Variants in LRP1B observed in about 807,000 individuals in gnomAD.
LRP1B encodes the protein LDL receptor related protein 1B, also known as low-density lipoprotein receptor-related protein 1B.
LRP1B carries 217 observed loss-of-function variants against 556.6 expected under a neutral mutation model. The ratio of observed to expected loss-of-function variants is 0.39; its 90% CI spans 0.35 to 0.44. The LOEUF (loss-of-function observed/expected upper bound fraction) is 0.44. LRP1B is among the 20% of genes least tolerant of loss of function. The pLI, the probability that LRP1B is intolerant of heterozygous loss-of-function variation, is 1.00. For missense variants in LRP1B, 5,053 were observed against 5,620.8 expected (o/e 0.90, Z 3.23); for synonymous variants, 2,047 against 1,865.8 (o/e 1.10, Z -2.50).
chr2:141,953,752 C>T (rs1018195692), intron 1 of LRP1B, among the ~76,000 whole-genome samples: 5 of 152,206 alleles, frequency 3.3e-5, no homozygotes, highest in South Asian at 2.1e-4. Context: ...CAGTAACATA[C>T]TAGCTTACTC....
chr2:142,034,497 T>G lies in LRP1B; in HGVS notation c.82+96151A>C, dbSNP rs750013517. On this transcript the variant is annotated intron_variant, in intron 1 of 90. Coordinates refer to ENST00000389484, the MANE Select transcript of LRP1B (RefSeq NM_018557.3). ...AACTGATAACATCCATGTTCAGTGG[T>G]ACCTCTGTAAAGAGCTTTGGGACCC... 1.4e-4 allele frequency among the ~76,000 whole-genome samples: 21 copies of G among 151,724 alleles called. 1 individual carries two copies. The highest frequency in any genetic ancestry group is 6.6e-5 in the Admixed American group (1 of 15,184).
chr2:141,818,531 CTTTT>C lies in LRP1B; in HGVS notation c.83-8134_83-8131del, dbSNP rs70994453. 1.1e-3 allele frequency among the ~76,000 whole-genome samples: 88 copies of C among 82,076 alleles called. 1 individual carries two copies. In the East Asian group the frequency reaches 0.019, roughly 18 times the overall value. 53.8% of individuals were successfully genotyped at this position (82,076 alleles called of 152,430 possible). The stretch of plus-strand genomic sequence containing the variant: ...TTCCCTAAATATAACATTTCTGTAT[CTTTT>C]TTTTTTTTTTTTTTTTTTTGAGATG... On this transcript the variant is annotated intron_variant, in intron 1 of 90. Transcript: ENST00000389484.
chr2:141,813,588 A>G (rs2105714386), intron 1 of LRP1B, among the ~76,000 whole-genome samples: 1 of 150,196 alleles, frequency 6.7e-6, no homozygotes, highest in South Asian at 2.1e-4. Context: ...TACTAAAAAC[A>G]AACAAACAAA....
At chr2:141,544,737 C>G (rs1163936475) in intron 2 of LRP1B, among the ~76,000 whole-genome samples, 1 of 151,950 alleles carries the variant, frequency 6.6e-6, no homozygotes, top group Non-Finnish European at 1.5e-5. Context: ...ATGATCATAG[C>G]TCACTGCAGT....
chr2:140,785,053 A>G (rs1215824075), intron 32 of LRP1B, among the ~76,000 whole-genome samples: 2 of 152,174 alleles, frequency 1.3e-5, no homozygotes, highest in Non-Finnish European at 2.9e-5. Context: ...AAAAGATTCT[A>G]CAAGTTTCTA....
chr2:141,250,458 A>C (rs568955525), intron 4 of LRP1B, among the ~76,000 whole-genome samples: 59 of 152,280 alleles, frequency 3.9e-4, no homozygotes, highest in African/African-American at 1.4e-3. Context: ...CCCTGGGAGG[A>C]TAAGGTGCCT....
chr2:141,465,288 G>T (rs1010261886), intron 3 of LRP1B, among the ~76,000 whole-genome samples: 2 of 152,062 alleles, frequency 1.3e-5, no homozygotes, highest in Non-Finnish European at 2.9e-5. Flanking sequence ...AAAAGTGTGG[G>T]ATATGCAGTG....
At chr2:141,137,797 G>A (rs1389315761) in intron 7 of LRP1B, among the ~76,000 whole-genome samples, 1 of 151,634 alleles carries the variant, frequency 6.6e-6, no homozygotes, top group African/African-American at 2.4e-5. Flanking sequence ...CAATACACCT[G>A]GAAAACATTC....
At chr2:141,461,823 A>T (rs1681883509) in intron 3 of LRP1B, among the ~76,000 whole-genome samples, 1 of 152,240 alleles carries the variant, frequency 6.6e-6, no homozygotes, top group African/African-American at 2.4e-5. Context: ...AGTTTTCATC[A>T]TCTAACCACA....
At chr2:141,935,480 A>G (rs538467458) in intron 1 of LRP1B, among the ~76,000 whole-genome samples, 30 of 152,336 alleles carry the variant, frequency 2.0e-4, no homozygotes, top group Non-Finnish European at 3.1e-4. Context: ...ACAGAAATTG[A>G]CAGTACAATT....
chr2:140,790,940 ATTT>A (rs201743296), intron 32 of LRP1B, among the ~76,000 whole-genome samples: 759 of 143,204 alleles, frequency 5.3e-3, no homozygotes, highest in Non-Finnish European at 6.7e-3. Flanking sequence ...GTCTCTACAA[ATTT>A]TTTTTTTTTT....
intron 41 of LRP1B, among the ~76,000 whole-genome samples, chr2:140,647,213 T>G (rs2105312231): frequency 6.6e-6 from 1 of 152,306 alleles, no homozygotes; most frequent in Non-Finnish European, 1.5e-5. Context: ...ACTTGAAATC[T>G]TAATGTCTCA....
chr2:141,843,595 C>T (rs550124852), intron 1 of LRP1B, among the ~76,000 whole-genome samples: 8 of 152,232 alleles, frequency 5.3e-5, no homozygotes, highest in African/African-American at 1.7e-4. Context: ...GTATGCCTAG[C>T]TCAATAATAC....
chr2:141,556,306 A>G (rs984450383), intron 2 of LRP1B, among the ~76,000 whole-genome samples: 7 of 151,932 alleles, frequency 4.6e-5, no homozygotes, highest in African/African-American at 1.7e-4. Flanking sequence ...GCACAAAACT[A>G]ATTCATAGGA....
chr2:140,279,812 T>C (rs1290573728), intron 84 of LRP1B, among the ~76,000 whole-genome samples: 1 of 151,932 alleles, frequency 6.6e-6, no homozygotes, highest in African/African-American at 2.4e-5. Context: ...AACACCATTT[T>C]ATTTTTTATA....
chr2:140,242,256 C>T (rs890719047), intron 87 of LRP1B, among the ~76,000 whole-genome samples: 2 of 151,042 alleles, frequency 1.3e-5, no homozygotes, highest in Non-Finnish European at 3.0e-5. Flanking sequence ...TAGGATTATG[C>T]CAATCAGAAA....
intron 25 of LRP1B, among the ~76,000 whole-genome samples, chr2:140,868,806 G>A (rs1187623744): frequency 6.6e-6 from 1 of 152,118 alleles, no homozygotes; most frequent in Admixed American, 6.6e-5. Flanking sequence ...AATAAGAAGT[G>A]CATAGGCCTT....
chr2:140,682,838 GC>G (rs1685911093), intron 41 of LRP1B, among the ~76,000 whole-genome samples: 1 of 152,126 alleles, frequency 6.6e-6, no homozygotes, highest in Non-Finnish European at 1.5e-5. Flanking sequence ...CCAATACACT[GC>G]AATTGTTTAG....
intron 11 of LRP1B, among the ~76,000 whole-genome samples, chr2:141,036,915 A>C (rs1357363123): frequency 2.6e-5 from 4 of 151,968 alleles, no homozygotes; most frequent in Admixed American, 6.6e-5. Flanking sequence ...TCCTGCCCAA[A>C]ACTCCCCTAG....
Sources: allele counts gnomAD v4.1 joint callset (sites outside exome capture counted in the v4.1 genomes callset), GRCh38; gene constraint gnomAD v4.1.1; transcripts MANE v1.5; gene names NCBI Gene and HGNC (gene_info 2026-07-23, HGNC 2026-07-21).